Variants in PTPRD observed in about 807,000 individuals in gnomAD.
PTPRD encodes the protein receptor-type tyrosine-protein phosphatase delta.
PTPRD carries 34 observed loss-of-function variants against 214.5 expected under a neutral mutation model. That is an observed-to-expected ratio of 0.16 (90% CI 0.12 to 0.21). The LOEUF (loss-of-function observed/expected upper bound fraction) is 0.21, where lower values mean the gene tolerates loss of function less well. Ranked by LOEUF, PTPRD falls within the 10% of genes least tolerant of loss-of-function variation. PTPRD has a pLI of 1.00. For missense variants in PTPRD, 2,545 were observed against 2,398.7 expected (o/e 1.06, Z -1.27); for synonymous variants, 1,128 against 845.7 (o/e 1.33, Z -5.79).
chr9:9,052,440 G>T lies in PTPRD; in HGVS notation c.-142-33705C>A, dbSNP rs550794745. 3.9e-5 allele frequency among the ~76,000 whole-genome samples: 6 copies of T among 152,278 alleles called. No individual in the cohort carries two copies. In the South Asian group the frequency reaches 1.2e-3, roughly 32 times the overall value. On this transcript the variant is annotated intron_variant, in intron 10 of 45. Transcript: ENST00000381196. The stretch of plus-strand genomic sequence containing the variant: ...ATACAAGATCAGAACCCATTCCTTT[G>T]TGTCCCATACATCCTTCCTTTAACA...
At chr9:9,165,710 G>A (rs1388372060) in intron 10 of PTPRD, among the ~76,000 whole-genome samples, 2 of 151,816 alleles carry the variant, frequency 1.3e-5, no homozygotes, top group East Asian at 1.9e-4. Flanking sequence ...TTTCACGGGG[G>A]GCCACATATT....
intron 6 of PTPRD, among the ~76,000 whole-genome samples, chr9:9,746,750 A>G (rs2761704): frequency 6.6e-6 from 1 of 151,640 alleles, no homozygotes; most frequent in Non-Finnish European, 1.5e-5. Flanking sequence ...GCTCTGTAGG[A>G]ATGTCCATCT....
chr9:10,069,064 G>A (rs1296418748), intron 3 of PTPRD, among the ~76,000 whole-genome samples: 1 of 151,812 alleles, frequency 6.6e-6, no homozygotes, highest in Non-Finnish European at 1.5e-5. Context: ...TCAGCCTTTT[G>A]GATCTGGCAG....
chr9:9,404,751 G>C (rs766351394), intron 8 of PTPRD, among the ~76,000 whole-genome samples: 10 of 152,054 alleles, frequency 6.6e-5, no homozygotes, highest in Non-Finnish European at 1.3e-4. Flanking sequence ...CATGTATGAA[G>C]TCAAGGGAAT....
intron 10 of PTPRD, among the ~76,000 whole-genome samples, chr9:9,141,237 C>G (rs779733587): frequency 8.1e-5 from 12 of 147,422 alleles, no homozygotes; most frequent in Non-Finnish European, 1.3e-4. Flanking sequence ...CTCCTCCCCC[C>G]GTCTTCCTCT....
At chr9:9,365,777 TCAAA>T (rs1569567746) in intron 9 of PTPRD, among the ~76,000 whole-genome samples, 1 of 151,458 alleles carries the variant, frequency 6.6e-6, no homozygotes, top group Non-Finnish European at 1.5e-5. Context: ...TATGGGTCTC[TCAAA>T]CAGACATTTT....
chr9:9,066,716 C>T (rs1035071105), intron 10 of PTPRD, among the ~76,000 whole-genome samples: 1 of 152,050 alleles, frequency 6.6e-6, no homozygotes, highest in Non-Finnish European at 1.5e-5. Flanking sequence ...ACCACAAAGG[C>T]AGAGATTGAA....
intron 2 of PTPRD, among the ~76,000 whole-genome samples, chr9:10,537,960 G>A (rs1317761851): frequency 6.6e-6 from 1 of 151,950 alleles, no homozygotes. Context: ...ATGACACCTC[G>A]CAATCTGTGT....
At chr9:9,562,874 C>T (rs2083335722) in intron 8 of PTPRD, among the ~76,000 whole-genome samples, 1 of 152,032 alleles carries the variant, frequency 6.6e-6, no homozygotes, top group South Asian at 2.1e-4. Flanking sequence ...ATTATTCTAT[C>T]ACCATCTCTC....
chr9:9,154,552 T>C (rs1387586603), intron 10 of PTPRD, among the ~76,000 whole-genome samples: 1 of 152,202 alleles, frequency 6.6e-6, no homozygotes, highest in Non-Finnish European at 1.5e-5. Flanking sequence ...CGACCTCATT[T>C]AATCCAAATT....
intron 37 of PTPRD, among the ~76,000 whole-genome samples, chr9:8,377,000 G>T (rs2083443051): frequency 6.6e-6 from 1 of 152,104 alleles, no homozygotes; most frequent in Non-Finnish European, 1.5e-5. Context: ...AAAATACAGA[G>T]AGAGGGATTT....
intron 14 of PTPRD, among the ~76,000 whole-genome samples, chr9:8,577,218 G>A (rs76810075): frequency 6.7e-6 from 1 of 149,554 alleles, no homozygotes; most frequent in African/African-American, 2.5e-5. Flanking sequence ...GAAAGAACTT[G>A]AACTCTTTTA....
intron 3 of PTPRD, among the ~76,000 whole-genome samples, chr9:10,121,301 C>G (rs1297495456): frequency 2.0e-5 from 3 of 151,068 alleles, no homozygotes; most frequent in Non-Finnish European, 4.4e-5. Flanking sequence ...CTGAATGATT[C>G]CAAAGTTTTT....
intron 5 of PTPRD, among the ~76,000 whole-genome samples, chr9:9,852,432 T>A (rs973916): frequency 6.6e-6 from 1 of 151,836 alleles, no homozygotes; most frequent in African/African-American, 2.4e-5. Context: ...AACTATTAGA[T>A]ATGGAGATTA....
At chr9:9,323,471 G>T (rs957061066) in intron 9 of PTPRD, among the ~76,000 whole-genome samples, 7 of 152,020 alleles carry the variant, frequency 4.6e-5, no homozygotes, top group African/African-American at 7.2e-5. Flanking sequence ...ATCTGATGTC[G>T]ACCAGGTCGT....
chr9:10,096,173 G>T (rs2098482037), intron 3 of PTPRD, among the ~76,000 whole-genome samples: 1 of 151,586 alleles, frequency 6.6e-6, no homozygotes, highest in Admixed American at 6.6e-5. Flanking sequence ...TTCTTCTACG[G>T]TACACTACTA....
intron 3 of PTPRD, among the ~76,000 whole-genome samples, chr9:10,234,622 G>C (rs184482749): frequency 7.8e-6 from 1 of 127,738 alleles, no homozygotes; most frequent in African/African-American, 2.5e-5. Flanking sequence ...AAAACTTCTG[G>C]AAATGCATTG....
At chr9:9,282,592 G>C (rs1948099701) in intron 9 of PTPRD, among the ~76,000 whole-genome samples, 1 of 151,280 alleles carries the variant, frequency 6.6e-6, no homozygotes, top group Admixed American at 6.6e-5. Flanking sequence ...CCCACAGTTT[G>C]CTTTCCTGAA....
chr9:9,285,317 A>G (rs566183162), intron 9 of PTPRD, among the ~76,000 whole-genome samples: 1 of 151,582 alleles, frequency 6.6e-6, no homozygotes, highest in Non-Finnish European at 1.5e-5. Context: ...GCTCCATCAC[A>G]TTTTCCTCTA....
Sources: allele counts gnomAD v4.1 joint callset (sites outside exome capture counted in the v4.1 genomes callset), GRCh38; gene constraint gnomAD v4.1.1; transcripts MANE v1.5; gene names NCBI Gene and HGNC (gene_info 2026-07-23, HGNC 2026-07-21).